The following MDFIC variants were observed in gnomAD, a reference collection of about 807,000 sequenced individuals.
MDFIC encodes the protein myoD family inhibitor domain-containing protein.
In MDFIC, 17 loss-of-function variants were observed where a neutral mutation model predicts 23.2. The observed-to-expected ratio is 0.73, with a 90% CI of 0.50 to 1.10. The LOEUF (loss-of-function observed/expected upper bound fraction) is 1.10, where lower values mean the gene tolerates loss of function less well. Ranked by LOEUF, MDFIC falls within the 50% of genes least tolerant of loss-of-function variation. The probability of loss-of-function intolerance (pLI) is 0.00; values close to 1 mark genes in which losing one functional copy is unlikely to be tolerated. For missense variants in MDFIC, 356 were observed against 316.6 expected (o/e 1.12, Z -0.95); for synonymous variants, 120 against 115.2 (o/e 1.04, Z -0.27).
chr7:114,989,688 C>G (rs1793572454), intron 4 of MDFIC, among the ~76,000 whole-genome samples: 1 of 152,180 alleles, frequency 6.6e-6, no homozygotes, highest in Non-Finnish European at 1.5e-5. Flanking sequence ...CTCGATGGCT[C>G]TGCTCTGTAA....
intron 3 of MDFIC, among the ~76,000 whole-genome samples, chr7:114,951,422 T>C (rs1364667946): frequency 6.6e-6 from 1 of 152,170 alleles, no homozygotes; most frequent in Non-Finnish European, 1.5e-5. Context: ...TTTAGTCTAG[T>C]AGATATACAA....
In MDFIC at chr7:115,019,526, A is replaced by G. The variant is rs953230644; in HGVS notation, c.*3591A>G. On this transcript the variant is annotated 3_prime_UTR_variant, in exon 5 of 5. Transcript: ENST00000393486. ...TAAGACTCGAGACTTATTAACATAA[A>G]TAAGTATCTTGCCTTCTTGAATGCT... Among the ~76,000 whole-genome samples the G allele has an allele frequency of 3.3e-5, 5 of 151,852 alleles. No individual in the cohort carries two copies. Among genetic ancestry groups the G allele is most frequent in the African/African-American group, 4.8e-5 (2 of 41,448 alleles).
intron 3 of MDFIC, among the ~76,000 whole-genome samples, chr7:114,969,755 A>G (rs910617568): frequency 6.6e-6 from 1 of 152,120 alleles, no homozygotes. Flanking sequence ...ACTTAATGAG[A>G]TCCAATGATC....
intron 2 of MDFIC, among the ~76,000 whole-genome samples, chr7:114,934,212 C>T (rs1300311444): frequency 6.6e-6 from 1 of 152,108 alleles, no homozygotes; most frequent in Non-Finnish European, 1.5e-5. Flanking sequence ...GTCAATCATC[C>T]TAAACATTTA....
chr7:114,924,832 TA>T (rs753499018), intron 2 of MDFIC, among the ~76,000 whole-genome samples: 1 of 152,204 alleles, frequency 6.6e-6, no homozygotes, highest in Non-Finnish European at 1.5e-5. Flanking sequence ...AAGGTGTATT[TA>T]AAGAAAGAAA....
At chr7:114,973,197 T>A (rs1202164414) in intron 3 of MDFIC, among the ~76,000 whole-genome samples, 1 of 151,966 alleles carries the variant, frequency 6.6e-6, no homozygotes, top group African/African-American at 2.4e-5. Flanking sequence ...ATTAATGTTT[T>A]ATAGAGTCTC....
At chr7:114,991,841 T>C (rs975798590) in intron 4 of MDFIC, among the ~76,000 whole-genome samples, 2 of 152,234 alleles carry the variant, frequency 1.3e-5, no homozygotes, top group African/African-American at 4.8e-5. Context: ...GGGCTCTTTT[T>C]TGGTTCCATA....
chr7:115,014,087 T>C, intron 4 of MDFIC: 1 of 985,412 alleles, frequency 1.0e-6, no homozygotes, highest in Non-Finnish European at 1.2e-6. Context: ...TTGAGTACTC[T>C]CTGACCCTTC....
chr7:115,005,065 C>A (rs553694550), intron 4 of MDFIC, among the ~76,000 whole-genome samples: 3 of 152,298 alleles, frequency 2.0e-5, no homozygotes, highest in Admixed American at 2.0e-4. Context: ...AAGAAAATAC[C>A]CTGTGCTAGA....
At chr7:114,986,827 G>T (rs1793523589) in intron 4 of MDFIC, among the ~76,000 whole-genome samples, 1 of 152,124 alleles carries the variant, frequency 6.6e-6, no homozygotes, top group African/African-American at 2.4e-5. Flanking sequence ...TTAATCTATT[G>T]ATCTGTTAAT....
chr7:114,982,533 G>GA (rs111831668), intron 4 of MDFIC, among the ~76,000 whole-genome samples: 69 of 145,292 alleles, frequency 4.7e-4, no homozygotes, highest in East Asian at 1.2e-3. Flanking sequence ...CTACAAAAAA[G>GA]AAAAAAAAAA....
intron 4 of MDFIC, among the ~76,000 whole-genome samples, chr7:115,002,421 A>G (rs144391041): frequency 4.6e-4 from 70 of 152,322 alleles, no homozygotes; most frequent in Admixed American, 1.6e-3. Flanking sequence ...CAGAACTTCA[A>G]TATGTCCCAA....
intron 4 of MDFIC, among the ~76,000 whole-genome samples, chr7:114,991,757 G>T (rs181019195): frequency 2.0e-5 from 3 of 152,194 alleles, no homozygotes; most frequent in African/African-American, 7.2e-5. Context: ...CTGTAGCCTT[G>T]TAGTATAGTT....
intron 3 of MDFIC, among the ~76,000 whole-genome samples, chr7:114,948,733 A>C (rs989536630): frequency 2.0e-5 from 3 of 152,190 alleles, no homozygotes; most frequent in Non-Finnish European, 4.4e-5. Context: ...TATATAATGA[A>C]ATCCATTACT....
intron 4 of MDFIC, among the ~76,000 whole-genome samples, chr7:114,995,169 A>T (rs1204567526): frequency 6.6e-6 from 1 of 152,182 alleles, no homozygotes; most frequent in Non-Finnish European, 1.5e-5. Flanking sequence ...TTCATCATGT[A>T]GTTCTTGTGC....
chr7:114,948,893 C>G (rs1188189692), intron 3 of MDFIC, among the ~76,000 whole-genome samples: 1 of 152,094 alleles, frequency 6.6e-6, no homozygotes, highest in African/African-American at 2.4e-5. Flanking sequence ...AAAAAAGAGA[C>G]TGCTTTACAA....
At chr7:114,949,158 C>T (rs1240003220) in intron 3 of MDFIC, among the ~76,000 whole-genome samples, 1 of 152,092 alleles carries the variant, frequency 6.6e-6, no homozygotes, top group Non-Finnish European at 1.5e-5. Context: ...TATTCTATGA[C>T]ATTTGATTTG....
At chr7:114,990,650 C>T (rs906196693) in intron 4 of MDFIC, among the ~76,000 whole-genome samples, 3 of 152,164 alleles carry the variant, frequency 2.0e-5, no homozygotes, top group Non-Finnish European at 4.4e-5. Flanking sequence ...TTTCCAGATT[C>T]ATCCATGTCC....
At chr7:114,933,479 G>T (rs1205842735) in intron 2 of MDFIC, among the ~76,000 whole-genome samples, 1 of 152,134 alleles carries the variant, frequency 6.6e-6, no homozygotes, top group Non-Finnish European at 1.5e-5. Context: ...GGCTGGTCTT[G>T]AATTCTGAAC....
Sources: gnomAD v4.1 joint callset for allele counts (sites outside exome capture counted in the v4.1 genomes callset) on GRCh38, gnomAD v4.1.1 for gene constraint, MANE v1.5 for transcripts, NCBI Gene and HGNC (gene_info 2026-07-23, HGNC 2026-07-21) for gene names.